The following FHIT variants were observed in gnomAD, a reference collection of about 807,000 sequenced individuals.
FHIT encodes bis(5'-adenosyl)-triphosphatase.
In FHIT, 19 loss-of-function variants were observed where a neutral mutation model predicts 17.9. The ratio of observed to expected loss-of-function variants is 1.06; its 90% CI spans 0.74 to 1.56. FHIT has a LOEUF of 1.56. Ranked by LOEUF, FHIT falls within the 40% of genes most tolerant of loss-of-function variation. FHIT has a pLI of 0.00. For missense variants in FHIT, 248 were observed against 189.2 expected (o/e 1.31, Z -1.82); for synonymous variants, 81 against 69.7 (o/e 1.16, Z -0.81).
At chr3:60,741,767 GGGATGGCTGTGTT>G (rs1263832535) in intron 4 of FHIT, among the ~76,000 whole-genome samples, 28 of 152,288 alleles carry the variant, frequency 1.8e-4, no homozygotes, top group African/African-American at 6.5e-4. Context: ...GGCACAAGTG[GGGATGGCTGTGTT>G]GGACCAGAAA....
chr3:60,019,756 C>T (rs1291141820), intron 5 of FHIT, among the ~76,000 whole-genome samples: 1 of 152,138 alleles, frequency 6.6e-6, no homozygotes, highest in East Asian at 1.9e-4. Context: ...AATACCTTCA[C>T]TGTCAGATTT....
Position 60,009,163 on chromosome 3 carries a change from TTATGTGTGTGTGTGTGTGTGTGTGTG to T in FHIT, c.279+2182_279+2207del, listed in dbSNP as rs1236223504. On this transcript the variant is annotated intron_variant, in intron 7 of 9. Coordinates refer to ENST00000492590, the MANE Select transcript of FHIT (RefSeq NM_002012.4). ...GGAACCTTCATTGTTCTCTGGGATT[TTATGTGTGTGTGTGTGTGTGTGTGTG>T]TGTGTGTGTGTGTGTGTGTGTGTGT... 2.6e-3 allele frequency among the ~76,000 whole-genome samples: 338 copies of T among 128,876 alleles called. 3 individuals carry two copies. The highest frequency in any genetic ancestry group is 6.4e-3 in the African/African-American group (220 of 34,532). The allele number at this position is 128,876 out of a possible 152,430, so 84.5% of individuals were successfully genotyped here.
intron 5 of FHIT, among the ~76,000 whole-genome samples, chr3:60,082,197 T>C (rs1334151652): frequency 1.3e-5 from 2 of 152,048 alleles, no homozygotes; most frequent in Non-Finnish European, 2.9e-5. Context: ...TCTGTTTAAC[T>C]CTCACTTATA....
intron 5 of FHIT, among the ~76,000 whole-genome samples, chr3:60,490,325 A>G (rs2034012079): frequency 6.6e-6 from 1 of 152,186 alleles, no homozygotes; most frequent in Non-Finnish European, 1.5e-5. Context: ...CACCTTAGTT[A>G]ACAAAATGTG....
At chr3:60,318,170 T>C (rs1006291299) in intron 5 of FHIT, among the ~76,000 whole-genome samples, 4 of 152,158 alleles carry the variant, frequency 2.6e-5, no homozygotes, top group South Asian at 2.1e-4. Context: ...TAAAGCAATG[T>C]AGGGCTTTTC....
At chr3:61,017,261 C>T (rs910003053) in intron 3 of FHIT, among the ~76,000 whole-genome samples, 8 of 152,086 alleles carry the variant, frequency 5.3e-5, no homozygotes, top group African/African-American at 9.7e-5. Context: ...TGCACTCCAG[C>T]CTGGGCGACA....
At position 60,667,484 on chromosome 3, in the gene FHIT, T is replaced by G. The variant is rs554202474; in HGVS notation, c.-17-130505A>C. 2.6e-5 allele frequency among the ~76,000 whole-genome samples: 4 copies of G among 152,304 alleles called. No individual in the cohort carries two copies. The South Asian group carries it at 8.3e-4, about 32-fold the overall frequency. On this transcript the variant is annotated intron_variant, in intron 4 of 9. Transcript: ENST00000492590. ...ATTCAGTTGTTTTATAACTTCTATTTCTTTTCTAATATTTTCTATTTTAAA... is the reference window on the plus strand; with the variant it reads ...ATTCAGTTGTTTTATAACTTCTATTGCTTTTCTAATATTTTCTATTTTAAA...
At chr3:60,319,611 C>T (rs1252063480) in intron 5 of FHIT, among the ~76,000 whole-genome samples, 1 of 152,068 alleles carries the variant, frequency 6.6e-6, no homozygotes, top group South Asian at 2.1e-4. Flanking sequence ...CAGGAAGATA[C>T]AGAAATTTGT....
intron 7 of FHIT, among the ~76,000 whole-genome samples, chr3:60,008,130 A>G (rs1349567141): frequency 6.6e-6 from 1 of 152,200 alleles, no homozygotes. Context: ...ACAAAAGACA[A>G]TGAAGAATGC....
intron 5 of FHIT, among the ~76,000 whole-genome samples, chr3:60,405,490 C>A (rs1701823359): frequency 6.6e-6 from 1 of 152,200 alleles, no homozygotes; most frequent in Admixed American, 6.5e-5. Flanking sequence ...CTGACCTCCT[C>A]ACCCTTCAAT....
intron 3 of FHIT, among the ~76,000 whole-genome samples, chr3:60,844,774 C>T (rs1702865163): frequency 6.6e-6 from 1 of 152,084 alleles, no homozygotes; most frequent in South Asian, 2.1e-4. Context: ...AATGTCTATA[C>T]AGGTTTAATA....
chr3:60,595,497 A>ATG (rs1184414817), intron 4 of FHIT, among the ~76,000 whole-genome samples: 11 of 134,672 alleles, frequency 8.2e-5, no homozygotes, highest in East Asian at 6.5e-4. Context: ...ATATGTATAT[A>ATG]TGTGTGTGTG....
chr3:60,119,881 A>C (rs1409267302), intron 5 of FHIT, among the ~76,000 whole-genome samples: 2 of 152,122 alleles, frequency 1.3e-5, no homozygotes, highest in African/African-American at 4.8e-5. Flanking sequence ...ATAAAACTCT[A>C]CTGGCTCCCC....
intron 4 of FHIT, among the ~76,000 whole-genome samples, chr3:60,735,287 C>G (rs2042112405): frequency 6.6e-6 from 1 of 152,224 alleles, no homozygotes; most frequent in South Asian, 2.1e-4. Context: ...ATGCATTCCT[C>G]ATTGTGCTGG....
At chr3:59,938,039 C>G (rs1207781484) in intron 7 of FHIT, among the ~76,000 whole-genome samples, 1 of 152,080 alleles carries the variant, frequency 6.6e-6, no homozygotes, top group Non-Finnish European at 1.5e-5. Context: ...AGGGTTCTAC[C>G]CAGATGTGCT....
chr3:60,826,209 G>GGAAA (rs1480288226), intron 3 of FHIT, among the ~76,000 whole-genome samples: 1 of 141,926 alleles, frequency 7.0e-6, no homozygotes, highest in Non-Finnish European at 1.5e-5. Context: ...AAGGAAGGAA[G>GGAAA]GAAAGAAGGA....
chr3:59,759,402 T>C (rs1701387553), intron 8 of FHIT, among the ~76,000 whole-genome samples: 1 of 152,156 alleles, frequency 6.6e-6, no homozygotes, highest in Non-Finnish European at 1.5e-5. Flanking sequence ...AGGGGGCTCA[T>C]TTGCCCCATA....
In FHIT at chr3:61,207,039, A is replaced by T. The variant is rs539099239; in HGVS notation, c.-212-6374T>A. ...AGTTTTTAGCATGAAGAGTTGTTGA[A>T]TTTTGTCAAAGGCCTTTTCTGCATC... On this transcript the variant is annotated intron_variant, in intron 1 of 9. Transcript: ENST00000492590. Among the ~76,000 whole-genome samples, 65 of 152,284 alleles carry T rather than the reference A, an allele frequency of 4.3e-4. 2 individuals carry two copies. The highest frequency in any genetic ancestry group is 1.5e-3 in the African/African-American group (63 of 41,560).
intron 5 of FHIT, among the ~76,000 whole-genome samples, chr3:60,483,635 G>A (rs569320277): frequency 2.6e-5 from 4 of 152,068 alleles, no homozygotes; most frequent in African/African-American, 4.8e-5. Context: ...ACATCCCTTC[G>A]TGTTAAAAAC....
Sources: allele counts gnomAD v4.1 joint callset (sites outside exome capture counted in the v4.1 genomes callset), GRCh38; gene constraint gnomAD v4.1.1; transcripts MANE v1.5; gene names NCBI Gene and HGNC (gene_info 2026-07-23, HGNC 2026-07-21).